Variants in PLEKHA2 observed in about 807,000 individuals in gnomAD.
The protein encoded by PLEKHA2 is pleckstrin homology domain containing A2.
In PLEKHA2, 28 loss-of-function variants were observed where a neutral mutation model predicts 53.2. That is an observed-to-expected ratio of 0.53 (90% CI 0.39 to 0.72). PLEKHA2 has a LOEUF of 0.72. Among genes scored for constraint, PLEKHA2 ranks in the 30% least tolerant of loss-of-function variants. The pLI, the probability that PLEKHA2 is intolerant of heterozygous loss-of-function variation, is 0.00. For synonymous variants in PLEKHA2, 193 were observed against 196.4 expected, an observed-to-expected ratio of 0.98 and a Z score of 0.14; for missense variants, 426 against 537.9, an observed-to-expected ratio of 0.79 and a Z score of 2.06.
At chr8:38,902,646 G>C (rs1331708243) in intron 1 of PLEKHA2, among the ~76,000 whole-genome samples, 2 of 152,102 alleles carry the variant, frequency 1.3e-5, no homozygotes, top group Non-Finnish European at 2.9e-5. Flanking sequence ...CCCTTCTTTT[G>C]TCATTTTTTT....
At chr8:38,947,174 A>AAAAGAGAGAGTGATGG (rs933886328) in intron 5 of PLEKHA2, among the ~76,000 whole-genome samples, 11 of 152,216 alleles carry the variant, frequency 7.2e-5, no homozygotes, top group Non-Finnish European at 1.3e-4. Context: ...GAGAGTGATG[A>AAAAGAGAGAGTGATGG]AAAGAGAGAG....
Position 38,970,163 on chromosome 8 carries a change from C to T in PLEKHA2, c.*380C>T. 2.3e-6 allele frequency: 1 copy of T among 436,386 alleles called. No homozygotes were observed. The allele number at this position is 436,386 out of a possible 1,614,324, so 27.0% of individuals were successfully genotyped here. ...TTTCACCAATGACCAAGTTTTATTT[C>T]CTTGTCCTTGTTTTAGTTTTTTCAT... On this transcript the variant is annotated 3_prime_UTR_variant, in exon 12 of 12. Transcript: ENST00000617275.
rs548685189 is a variant in PLEKHA2, at chr8:38,930,263, G to T, written c.142-5731G>T. Among the ~76,000 whole-genome samples the T allele has an allele frequency of 2.3e-4, 35 of 152,154 alleles. No homozygotes were observed. The South Asian group carries it at 7.3e-3, about 32-fold the overall frequency. On this transcript the variant is annotated intron_variant, in intron 2 of 11. Transcript: ENST00000617275. Reference sequence around the variant, plus strand: ...GTCACCCGGGCTGGAGTGCAGTGGCGCAATCTCGGCTCACTGCAACCTTCG... The same window carrying T: ...GTCACCCGGGCTGGAGTGCAGTGGCTCAATCTCGGCTCACTGCAACCTTCG...
At chr8:38,946,664 T>A (rs1385974650) in intron 5 of PLEKHA2, among the ~76,000 whole-genome samples, 1 of 152,220 alleles carries the variant, frequency 6.6e-6, no homozygotes, top group Non-Finnish European at 1.5e-5. Flanking sequence ...GCCATCCGCC[T>A]CCCTGTCCTA....
In PLEKHA2 at chr8:38,971,593, G is replaced by A. The variant is rs1446489689; in HGVS notation, c.*1810G>A. On this transcript the variant is annotated 3_prime_UTR_variant, in exon 12 of 12. Coordinates refer to ENST00000617275, the MANE Select transcript of PLEKHA2 (RefSeq NM_021623.2). Reference sequence around the variant, plus strand: ...ATATTCCCTGACTCACGGAAAAGATGTCCTCTTTTGGTGTATACATTGTGA... The same window carrying A: ...ATATTCCCTGACTCACGGAAAAGATATCCTCTTTTGGTGTATACATTGTGA... 6.6e-6 allele frequency: 1 copy of A among 152,138 alleles called. No homozygotes were observed. The highest frequency in any genetic ancestry group is 1.5e-5 in the Non-Finnish European group (1 of 68,034). The allele number at this position is 152,138 out of a possible 1,614,324, so 9.4% of individuals were successfully genotyped here.
chr8:38,930,168 C>T (rs1834363655), intron 2 of PLEKHA2, among the ~76,000 whole-genome samples: 1 of 151,888 alleles, frequency 6.6e-6, no homozygotes, highest in Non-Finnish European at 1.5e-5. Flanking sequence ...CTGGCATTGT[C>T]TGCATAAAAC....
chr8:38,923,340 T>G (rs570982192), intron 2 of PLEKHA2, among the ~76,000 whole-genome samples: 1 of 152,210 alleles, frequency 6.6e-6, no homozygotes, highest in Non-Finnish European at 1.5e-5. Flanking sequence ...GTATGGGCAC[T>G]CTAGGTGATC....
At chr8:38,906,714 A>G (rs1833882566) in intron 1 of PLEKHA2, among the ~76,000 whole-genome samples, 1 of 152,182 alleles carries the variant, frequency 6.6e-6, no homozygotes, top group Admixed American at 6.5e-5. Context: ...CACACTTCCT[A>G]AGTTATAATC....
intron 1 of PLEKHA2, among the ~76,000 whole-genome samples, chr8:38,915,950 C>T (rs1231202928): frequency 1.3e-5 from 2 of 152,136 alleles, no homozygotes; most frequent in Non-Finnish European, 2.9e-5. Context: ...CAGCATTTAT[C>T]CTTTGCGTTA....
intron 4 of PLEKHA2, among the ~76,000 whole-genome samples, chr8:38,945,002 A>G (rs1256225316): frequency 2.6e-5 from 4 of 152,134 alleles, no homozygotes; most frequent in African/African-American, 7.2e-5. Context: ...GATAAGACAA[A>G]GGAAGGAGAA....
At chr8:38,936,656 C>T (rs1834500388) in intron 3 of PLEKHA2, among the ~76,000 whole-genome samples, 1 of 152,230 alleles carries the variant, frequency 6.6e-6, no homozygotes, top group African/African-American at 2.4e-5. Flanking sequence ...GGAGCAGGCC[C>T]TCTCTTGTGC....
Position 38,928,862 on chromosome 8 carries a change from G to A in PLEKHA2, c.142-7132G>A, listed in dbSNP as rs575769549. Among the ~76,000 whole-genome samples the A allele has an allele frequency of 2.9e-3, 440 of 152,290 alleles. 2 individuals are homozygous for A. Among genetic ancestry groups the A allele is most frequent in the African/African-American group, 0.01 (422 of 41,566 alleles). On this transcript the variant is annotated intron_variant, in intron 2 of 11. Coordinates refer to ENST00000617275, the MANE Select transcript of PLEKHA2 (RefSeq NM_021623.2). The stretch of plus-strand genomic sequence containing the variant: ...GCAAGTGGACCTACAGGGCAGAGGG[G>A]AGGAGAGGTGTTTGGCCCTAGAGCA...
chr8:38,909,143 A>G (rs1040743637), intron 1 of PLEKHA2, among the ~76,000 whole-genome samples: 35 of 72,038 alleles, frequency 4.9e-4, no homozygotes, highest in Admixed American at 1.2e-3. Flanking sequence ...ACTCTGTCTC[A>G]AAAAAAAAAA....
At position 38,917,947 on chromosome 8, in the gene PLEKHA2, G is replaced by A. The variant is rs1245031659; in HGVS notation, c.18G>A (p.Arg6=). MPYVD[R]QNRICGFLDI... ...GCCCAGGAATGCCTTATGTGGATCG[G>A]CAGAACCGAATCTGTGGGTTTCTGG... Residue 6 remains arginine, a synonymous_variant, in exon 2 of 12, where the codon CGG becomes CGA. Transcript: ENST00000617275. 1.2e-6 allele frequency: 2 copies of A among 1,613,516 alleles called. No homozygotes were observed. Among genetic ancestry groups the A allele is most frequent in the African/African-American group, 2.7e-5 (2 of 74,866 alleles).
intron 9 of PLEKHA2, among the ~76,000 whole-genome samples, chr8:38,956,250 C>T (rs1171644841): frequency 6.6e-6 from 1 of 152,220 alleles, no homozygotes; most frequent in East Asian, 1.9e-4. Flanking sequence ...ATCTACTCCC[C>T]GCCCTCTTCC....
intron 5 of PLEKHA2, among the ~76,000 whole-genome samples, chr8:38,946,876 G>T (rs1424997032): frequency 1.3e-5 from 2 of 152,308 alleles, no homozygotes; most frequent in East Asian, 3.9e-4. Context: ...AAGACAGGCA[G>T]ACTCCTGGCT....
intron 1 of PLEKHA2, 33 bp from the exon 2 acceptor site, chr8:38,917,874 T>G (rs1265279013): frequency 3.8e-6 from 6 of 1,590,500 alleles, no homozygotes; most frequent in Non-Finnish European, 5.2e-6. Context: ...TGCTTCATCT[T>G]CCTTCTCATC....
chr8:38,956,689 A>G (rs1834946842), intron 9 of PLEKHA2, among the ~76,000 whole-genome samples: 1 of 152,022 alleles, frequency 6.6e-6, no homozygotes, highest in African/African-American at 2.4e-5. Context: ...AGCCCCAGTG[A>G]GCCATGATTG....
chr8:38,927,502 T>C (rs1834309906), intron 2 of PLEKHA2, among the ~76,000 whole-genome samples: 1 of 152,056 alleles, frequency 6.6e-6, no homozygotes, highest in South Asian at 2.1e-4. Flanking sequence ...CAAGACCCTG[T>C]CTCAAAAAAA....
Sources: gnomAD v4.1 joint callset for allele counts (sites outside exome capture counted in the v4.1 genomes callset) on GRCh38, gnomAD v4.1.1 for gene constraint, MANE v1.5 for transcripts, NCBI Gene and HGNC (gene_info 2026-07-23, HGNC 2026-07-21) for gene names.